GFI1B: variants seen among roughly 807,000 people sequenced by gnomAD.
GFI1B encodes the protein growth factor independent 1B transcriptional repressor.
Under a neutral mutation model 35.3 loss-of-function variants are expected in GFI1B, and 20 were observed. The ratio of observed to expected loss-of-function variants is 0.57; its 90% CI spans 0.40 to 0.82. The LOEUF (loss-of-function observed/expected upper bound fraction) is 0.82. Ranked by LOEUF, GFI1B falls within the 40% of genes least tolerant of loss-of-function variation. GFI1B has a pLI of 0.00. For synonymous variants in GFI1B, 178 were observed against 177.6 expected (o/e 1.00, Z -0.02); for missense variants, 430 against 446.3 (o/e 0.96, Z 0.33).
At chr9:132,981,489 T>C (rs918856242) in intron 1 of GFI1B, among the ~76,000 whole-genome samples, 2 of 152,096 alleles carry the variant, frequency 1.3e-5, no homozygotes, top group Non-Finnish European at 2.9e-5. Context: ...AATACAAAAA[T>C]TAGCCAACTG....
upstream of GFI1B, among the ~76,000 whole-genome samples, chr9:132,974,601 C>CAAAAAA (rs11243966): frequency 1.9e-3 from 148 of 79,836 alleles, 5 homozygotes; most frequent in African/African-American, 7.8e-3. Context: ...GAATCCGTCT[C>CAAAAAA]AAAAAAAAAA....
intron 1 of GFI1B, among the ~76,000 whole-genome samples, chr9:132,960,292 G>C (rs540115415): frequency 2.6e-5 from 4 of 152,206 alleles, no homozygotes; most frequent in Non-Finnish European, 4.4e-5. Context: ...ACCACAGAAG[G>C]CTTGCTTGCT....
chr9:132,958,637 G>T (rs937598544), intron 1 of GFI1B, among the ~76,000 whole-genome samples: 5 of 152,156 alleles, frequency 3.3e-5, no homozygotes, highest in African/African-American at 1.2e-4. Context: ...TCCAATATTG[G>T]GGATTACATG....
intron 1 of GFI1B, among the ~76,000 whole-genome samples, chr9:132,986,303 T>A (rs1849058321): frequency 6.7e-6 from 1 of 149,478 alleles, no homozygotes; most frequent in African/African-American, 2.6e-5. Context: ...CTGTCGGCAC[T>A]GCCTGGCATT....
chr9:132,972,523 G>A (rs1456708987), intron 1 of GFI1B, among the ~76,000 whole-genome samples: 2 of 152,294 alleles, frequency 1.3e-5, no homozygotes, highest in East Asian at 1.9e-4. Flanking sequence ...CCAGGAGGTC[G>A]TGGCTGCAGT....
intron 1 of GFI1B, among the ~76,000 whole-genome samples, chr9:132,979,502 G>A (rs570016512): frequency 5.3e-5 from 8 of 152,222 alleles, no homozygotes; most frequent in African/African-American, 7.2e-5. Flanking sequence ...GCCTCCCAAA[G>A]TGTTGGGATT....
upstream of GFI1B, chr9:132,978,553 C>T (rs1470760152): frequency 6.6e-6 from 1 of 152,134 alleles, no homozygotes; most frequent in Non-Finnish European, 1.5e-5. Context: ...AATGAGAATT[C>T]GAAGTCTTGT....
intron 1 of GFI1B, among the ~76,000 whole-genome samples, chr9:132,986,373 G>A (rs1026333296): frequency 6.6e-6 from 1 of 152,078 alleles, no homozygotes; most frequent in Non-Finnish European, 1.5e-5. Flanking sequence ...TTCTCCCTGG[G>A]TGTCTGTGTC....
At chr9:132,975,985 C>G (rs532587136), upstream of GFI1B, among the ~76,000 whole-genome samples, 1 of 152,136 alleles carries the variant, frequency 6.6e-6, no homozygotes, top group Non-Finnish European at 1.5e-5. Context: ...CACTGCTCTC[C>G]CATCAAGGGG....
rs1214546958 is a variant in GFI1B, at chr9:132,989,354, C to G, written c.648+156C>G. Reference sequence around the variant, plus strand: ...TACCCACCTCCCTGGGTCTGGGTCTCCAACACCTGCCCTTAACAAACTTCA... The same window carrying G: ...TACCCACCTCCCTGGGTCTGGGTCTGCAACACCTGCCCTTAACAAACTTCA... On this transcript the variant is annotated intron_variant, in intron 5 of 6. Coordinates refer to ENST00000372122, the MANE Select transcript of GFI1B (RefSeq NM_001377304.1). The surrounding 1 kb of genome is among the most constrained non-coding windows in gnomAD (Gnocchi z 6.2). Among the ~76,000 whole-genome samples, 1 of 152,138 alleles carries G rather than the reference C, an allele frequency of 6.6e-6. No individual in the cohort carries two copies. The highest frequency in any genetic ancestry group is 1.5e-5 in the Non-Finnish European group (1 of 68,012).
chr9:132,949,196 T>G (rs1848163126), intron 1 of GFI1B, among the ~76,000 whole-genome samples: 1 of 151,972 alleles, frequency 6.6e-6, no homozygotes, highest in Non-Finnish European at 1.5e-5. Flanking sequence ...GGATCCCAAC[T>G]GCTACAGCCC....
chr9:132,954,357 T>C (rs1296300586), intron 1 of GFI1B, among the ~76,000 whole-genome samples: 1 of 152,070 alleles, frequency 6.6e-6, no homozygotes, highest in African/African-American at 2.4e-5. Context: ...CCTGGATTGC[T>C]TAAGGTCAGG....
At chr9:132,946,011 C>T (rs1418509015) in intron 1 of GFI1B, among the ~76,000 whole-genome samples, 1 of 152,142 alleles carries the variant, frequency 6.6e-6, no homozygotes, top group East Asian at 1.9e-4. Flanking sequence ...CGGGTAGAGC[C>T]GCTGCTAGTC....
At chr9:132,985,417 TG>T (rs1165658917) in intron 1 of GFI1B, among the ~76,000 whole-genome samples, 2 of 152,262 alleles carry the variant, frequency 1.3e-5, no homozygotes, top group Non-Finnish European at 2.9e-5. Flanking sequence ...CCACGGAAGC[TG>T]GGGGCTGTTC....
chr9:132,978,554 G>T (rs908837745), upstream of GFI1B: 1 of 152,196 alleles, frequency 6.6e-6, no homozygotes, highest in African/African-American at 2.4e-5. Context: ...ATGAGAATTC[G>T]AAGTCTTGTG....
intron 1 of GFI1B, among the ~76,000 whole-genome samples, chr9:132,965,902 A>G (rs1010366005): frequency 1.3e-4 from 20 of 152,262 alleles, no homozygotes; most frequent in Non-Finnish European, 4.4e-5. Context: ...AATTTAATGT[A>G]AAATGTTGAA....
chr9:132,971,299 C>T (rs542473551), intron 1 of GFI1B, among the ~76,000 whole-genome samples: 109 of 152,314 alleles, frequency 7.2e-4, no homozygotes, highest in African/African-American at 2.4e-3. Context: ...TCACCTGCAC[C>T]CAGAGTCCCT....
chr9:132,990,744 T>G, intron 6 of GFI1B, 128 bp from the exon 7 acceptor site: 1 of 762,518 alleles, frequency 1.3e-6, no homozygotes, highest in Non-Finnish European at 2.2e-6. Context: ...AAAGTGAATG[T>G]GAGTTGGCCA....
At chr9:132,964,473 T>A (rs62578219) in intron 1 of GFI1B, among the ~76,000 whole-genome samples, 131,249 of 151,922 alleles carry the variant, frequency 0.86, 56,905 homozygotes, top group African/African-American at 0.92. Context: ...CTGAATCAAT[T>A]TTCAGCCACT....
Sources: allele counts gnomAD v4.1 joint callset (sites outside exome capture counted in the v4.1 genomes callset), GRCh38; gene constraint gnomAD v4.1.1; non-coding constraint Gnocchi (gnomAD v3.1); transcripts MANE v1.5; gene names NCBI Gene and HGNC (gene_info 2026-07-23, HGNC 2026-07-21).